The following TMPO variants were observed in gnomAD, a reference collection of about 807,000 sequenced individuals.
TMPO encodes LEM domain containing 4.
A neutral mutation model predicts 45.4 loss-of-function variants in TMPO; 22 were observed. The ratio of observed to expected loss-of-function variants is 0.48; its 90% confidence interval spans 0.35 to 0.69. The LOEUF (loss-of-function observed/expected upper bound fraction) is 0.69, where lower values mean the gene tolerates loss of function less well. Among genes scored for constraint, TMPO ranks in the 30% least tolerant of loss-of-function variants. The pLI is 0.01. For synonymous variants in TMPO, 241 were observed against 204.1 expected, an observed-to-expected ratio of 1.18 and a Z score of -1.54; for missense variants, 512 against 548.8, an observed-to-expected ratio of 0.93 and a Z score of 0.67.
intron 2 of TMPO, among the ~76,000 whole-genome samples, chr12:98,530,708 A>G (rs559737373): frequency 6.6e-6 from 1 of 152,366 alleles, no homozygotes; most frequent in African/African-American, 2.4e-5. Context: ...CCATAACTGA[A>G]TACAGGCATA....
At chr12:98,526,696 A>G (rs1876786057) in intron 1 of TMPO, among the ~76,000 whole-genome samples, 1 of 152,196 alleles carries the variant, frequency 6.6e-6, no homozygotes, top group Admixed American at 6.5e-5. Context: ...GCAGTGGCTC[A>G]TGCCTGTAAT....
intron 1 of TMPO, among the ~76,000 whole-genome samples, chr12:98,519,696 AG>A: frequency 6.6e-6 from 1 of 152,348 alleles, no homozygotes; most frequent in Middle Eastern, 3.4e-3. Context: ...AACAACTTGA[AG>A]AAAAATATTG....
chr12:98,522,298 AGCT>A (rs1326487565), intron 1 of TMPO, among the ~76,000 whole-genome samples: 2 of 152,188 alleles, frequency 1.3e-5, no homozygotes, highest in Non-Finnish European at 1.5e-5. Flanking sequence ...TGTAGGTGTG[AGCT>A]GCTGCTCCTG....
intron 6 of TMPO, 128 bp from the exon 7 acceptor site, chr12:98,544,823 C>A: frequency 1.3e-6 from 1 of 784,422 alleles, no homozygotes; most frequent in Non-Finnish European, 2.2e-6. Context: ...TGTTTGTAGG[C>A]TGTGTTGCTT....
intron 1 of TMPO, among the ~76,000 whole-genome samples, chr12:98,516,682 G>GT (rs1443325096): frequency 2.6e-5 from 4 of 152,132 alleles, no homozygotes; most frequent in African/African-American, 9.7e-5. Context: ...TTTTTGAACC[G>GT]TTTATGTTTT....
chr12:98,544,666 A>G, intron 6 of TMPO, 129 bp downstream of exon 6: 4 of 794,552 alleles, frequency 5.0e-6, no homozygotes, highest in Non-Finnish European at 8.1e-6. Flanking sequence ...TTTTAAACTG[A>G]TTTTCCCCAT....
chr12:98,530,815 CGTA>C (rs1877137070), intron 2 of TMPO, among the ~76,000 whole-genome samples: 1 of 152,112 alleles, frequency 6.6e-6, no homozygotes, highest in Non-Finnish European at 1.5e-5. Flanking sequence ...AGTACTATTA[CGTA>C]GTAGTAGAGA....
chr12:98,536,797 TA>T (rs1284729937), intron 3 of TMPO, among the ~76,000 whole-genome samples: 1 of 152,254 alleles, frequency 6.6e-6, no homozygotes, highest in East Asian at 1.9e-4. Context: ...GACAAGTGTA[TA>T]AGTATTGGCT....
chr12:98,542,845 G>A (rs1003076120), intron 4 of TMPO, among the ~76,000 whole-genome samples: 12 of 151,406 alleles, frequency 7.9e-5, no homozygotes, highest in Admixed American at 6.0e-4. Flanking sequence ...GCAACAGAGC[G>A]AGATTCTGTC....
Position 98,527,347 on chromosome 12 carries a change from AAAAC to A in TMPO, c.280-535_280-532del, listed in dbSNP as rs1227587051. On this transcript the variant is annotated intron_variant, in intron 1 of 8. Coordinates refer to ENST00000556029, the MANE Select transcript of TMPO (RefSeq NM_001032283.3). ...AACCCCATCTCTACAAAAAAAAAAA[AAAAC>A]AAAAAAAAAAAACCACAGGCAAAAA... is the stretch of plus-strand genomic sequence containing the variant. 2.7e-5 allele frequency among the ~76,000 whole-genome samples: 4 copies of A among 146,916 alleles called. No homozygotes were observed. The South Asian group carries it at 6.5e-4, about 24-fold the overall frequency.
rs773791272 is a variant in TMPO at position 98,516,009 on chromosome 12, C to T, written c.142C>T (p.Arg48Cys). 4 of 1,609,430 alleles carry T rather than the reference C, an allele frequency of 2.5e-6. No homozygotes were observed. Among genetic ancestry groups the T allele is most frequent in the African/African-American group, 2.7e-5 (2 of 74,918 alleles). The change falls in exon 1 of 9, where the codon CGC becomes TGC. Residue 48 changes from arginine (R) to cysteine (C), a missense_variant. By Grantham distance (180) the Arg-to-Cys change is radical. Around this residue, in one of 3 missense-constraint regions of TMPO, gnomAD observed 299 missense variants for 296.7 expected, o/e 1.01. Coordinates refer to ENST00000556029, the MANE Select transcript of TMPO (RefSeq NM_001032283.3). ...GCTCTACCTGCAGCACCTCACGGCT[C>T]GCAACCGGCCGCCGCTCCCCGCCGG... ...VQLYLQHLTARNRPPLPAGTN... is the reference protein window; with the variant it reads ...VQLYLQHLTACNRPPLPAGTN...
intron 7 of TMPO, among the ~76,000 whole-genome samples, 169 bp from the exon 8 acceptor site, chr12:98,546,190 G>A (rs1878217589): frequency 6.6e-6 from 1 of 152,162 alleles, no homozygotes; most frequent in Admixed American, 6.5e-5. Flanking sequence ...TTTGAAGAGA[G>A]CCTTGGAAGC....
At chr12:98,517,876 G>A (rs2121108751) in intron 1 of TMPO, among the ~76,000 whole-genome samples, 1 of 152,376 alleles carries the variant, frequency 6.6e-6, no homozygotes, top group East Asian at 1.9e-4. Context: ...AGTAGAGTTG[G>A]TTGAGGCCGG....
At position 98,537,512 on chromosome 12, in the gene TMPO, A is replaced by G. The variant is rs1174380964; in HGVS notation, c.603A>G (p.Pro201=). Residue 201 remains proline (P), a synonymous_variant, in exon 4 of 9, where the codon CCA becomes CCG. Transcript: ENST00000556029. ...KIELKLEKRE[P]LKGRAKTPVT... ...AGCTCAAGCTTGAGAAGAGAGAACC[A>G]CTAAAGGGCAGAGCAAAGACTCCAG... is the stretch of plus-strand genomic sequence containing the variant. The G allele has an allele frequency of 3.1e-6, 5 of 1,613,750 alleles. No individual in the cohort carries two copies. The highest frequency in any genetic ancestry group is 4.2e-6 in the Non-Finnish European group (5 of 1,179,782).
chr12:98,539,221 A>G (rs1877762591), intron 4 of TMPO, among the ~76,000 whole-genome samples: 1 of 151,882 alleles, frequency 6.6e-6, no homozygotes, highest in South Asian at 2.1e-4. Context: ...AAATAAATAA[A>G]TAAATAATAA....
intron 3 of TMPO, chr12:98,535,173 T>A (rs1877494306): frequency 1.0e-6 from 1 of 985,070 alleles, no homozygotes; most frequent in African/African-American, 1.7e-5. Flanking sequence ...ACCATCTATT[T>A]TGTCAGATAA....
At position 98,537,543 on chromosome 12, in the gene TMPO, C is replaced by T. The variant is rs1268321251; in HGVS notation, c.634C>T (p.Leu212Phe). 1.2e-6 allele frequency: 2 copies of T among 1,613,330 alleles called. No homozygotes were observed. The highest frequency in any genetic ancestry group is 1.3e-5 in the African/African-American group (1 of 74,892). ...LKGRAKTPVT[L>F]KQRRVEHNQS... is the part of the protein sequence containing the mutation. The stretch of plus-strand genomic sequence containing the variant: ...GGGCAGAGCAAAGACTCCAGTAACA[C>T]TCAAGCAAAGAAGAGTTGAGCACAA... The change falls in exon 4 of 9, where the codon CTC (leucine) becomes TTC (phenylalanine). Residue 212 changes from leucine (L) to phenylalanine (F), a missense_variant. By Grantham distance (22) the Leu-to-Phe change is conservative. Transcript: ENST00000556029.
At chr12:98,531,353 C>T (rs1877178108) in intron 2 of TMPO, among the ~76,000 whole-genome samples, 2 of 150,452 alleles carry the variant, frequency 1.3e-5, no homozygotes, top group African/African-American at 4.9e-5. Flanking sequence ...TCTCCTGTCT[C>T]AGCCTCCCAA....
intron 3 of TMPO, chr12:98,533,609 T>C (rs1877358557): frequency 6.2e-7 from 1 of 1,614,222 alleles, no homozygotes; most frequent in Non-Finnish European, 8.5e-7. Flanking sequence ...TTTCAGAACA[T>C]ACCTGGATCC....
Sources: allele counts gnomAD v4.1 joint callset (sites outside exome capture counted in the v4.1 genomes callset), GRCh38; gene constraint gnomAD v4.1.1; regional missense constraint gnomAD v4.1.1; transcripts MANE v1.5; gene names NCBI Gene and HGNC (gene_info 2026-07-23, HGNC 2026-07-21).